CNTN1: variants seen among roughly 807,000 people sequenced by gnomAD.
CNTN1 encodes contactin-1.
CNTN1 carries 38 observed loss-of-function variants against 126.4 expected under a neutral mutation model. That is an observed-to-expected ratio of 0.30 (90% CI 0.23 to 0.39). The LOEUF (loss-of-function observed/expected upper bound fraction) is 0.39, where lower values mean the gene tolerates loss of function less well. CNTN1 is among the 10% of genes least tolerant of loss of function. The pLI, the probability that CNTN1 is intolerant of heterozygous loss-of-function variation, is 1.00. For synonymous variants in CNTN1, 413 were observed against 422.6 expected (o/e 0.98, Z 0.28); for missense variants, 1,009 against 1,248.4 (o/e 0.81, Z 2.89).
chr12:40,838,990 CAAGAG>C (rs894463834), intron 1 of CNTN1, among the ~76,000 whole-genome samples: 5 of 151,902 alleles, frequency 3.3e-5, no homozygotes, highest in African/African-American at 1.2e-4. Flanking sequence ...CAGTGAAACA[CAAGAG>C]AAGTCTGAAA....
intron 2 of CNTN1, 63 bp from the exon 3 acceptor site, chr12:40,910,010 T>C: frequency 2.4e-6 from 3 of 1,234,640 alleles, no homozygotes; most frequent in Admixed American, 3.4e-5. Context: ...ATTTAAGTAA[T>C]GTTTGAAACC....
At chr12:40,826,420 T>G (rs1565790829) in intron 1 of CNTN1, among the ~76,000 whole-genome samples, 1 of 152,150 alleles carries the variant, frequency 6.6e-6, no homozygotes, top group Non-Finnish European at 1.5e-5. Flanking sequence ...TGACAATACC[T>G]GCAAATATGA....
intron 1 of CNTN1, among the ~76,000 whole-genome samples, chr12:40,803,779 G>A (rs1940739716): frequency 6.6e-6 from 1 of 151,650 alleles, no homozygotes; most frequent in Admixed American, 6.6e-5. Flanking sequence ...AGAGGGAAGA[G>A]GAGAGGAATG....
intron 1 of CNTN1, among the ~76,000 whole-genome samples, chr12:40,887,879 C>A (rs1944099468): frequency 6.6e-6 from 1 of 151,852 alleles, no homozygotes; most frequent in South Asian, 2.1e-4. Context: ...ATGGATGAAA[C>A]TGGAAATCAT....
intron 1 of CNTN1, among the ~76,000 whole-genome samples, chr12:40,712,588 A>G (rs1019405467): frequency 1.3e-5 from 2 of 152,112 alleles, no homozygotes; most frequent in Non-Finnish European, 2.9e-5. Context: ...AGCAAGCCCA[A>G]CCAACCCCAT....
At chr12:40,767,508 C>T (rs555865491) in intron 1 of CNTN1, among the ~76,000 whole-genome samples, 1 of 152,084 alleles carries the variant, frequency 6.6e-6, no homozygotes, top group African/African-American at 2.4e-5. Context: ...TGGGGTTTCA[C>T]CGTGTTAGCC....
intron 1 of CNTN1, among the ~76,000 whole-genome samples, chr12:40,853,665 T>G (rs1942799952): frequency 6.6e-6 from 1 of 151,736 alleles, no homozygotes; most frequent in Admixed American, 6.6e-5. Flanking sequence ...TATACAATCC[T>G]TTTTTTTCCC....
At chr12:40,760,083 T>C (rs1938795801) in intron 1 of CNTN1, among the ~76,000 whole-genome samples, 1 of 152,132 alleles carries the variant, frequency 6.6e-6, no homozygotes, top group South Asian at 2.1e-4. Context: ...TCTGATTGCC[T>C]TAGTATTGCA....
chr12:40,991,828 AAAACAAACAAAC>A (rs141511459), intron 16 of CNTN1, among the ~76,000 whole-genome samples: 1 of 151,884 alleles, frequency 6.6e-6, no homozygotes, highest in Admixed American at 6.6e-5. Flanking sequence ...ACTCCGTCTC[AAAACAAACAAAC>A]AAACAAACAA....
At chr12:40,896,852 G>A (rs928537953) in intron 1 of CNTN1, among the ~76,000 whole-genome samples, 5 of 152,200 alleles carry the variant, frequency 3.3e-5, no homozygotes, top group African/African-American at 1.2e-4. Flanking sequence ...GAGGTTGTCT[G>A]AGGAGACACT....
chr12:40,939,169 T>C (rs1246872353), intron 11 of CNTN1, among the ~76,000 whole-genome samples, 166 bp from the exon 12 acceptor site: 1 of 152,156 alleles, frequency 6.6e-6, no homozygotes, highest in Non-Finnish European at 1.5e-5. Context: ...TAAATAAAAG[T>C]TACAAAGCAT....
At chr12:40,830,791 GTATATATATATATATATATATATATA>G (rs10592423) in intron 1 of CNTN1, among the ~76,000 whole-genome samples, 774 of 75,828 alleles carry the variant, frequency 0.01, 21 homozygotes, top group African/African-American at 0.037. Flanking sequence ...AAAGTATAGT[GTATATATATATATATATATATATATA>G]TATATATATA....
chr12:40,929,864 G>C lies in CNTN1; in HGVS notation c.565G>C (p.Val189Leu), dbSNP rs763318952. ...VFITMDKRRF[V>L]SQTNGNLYIA... ...TATCACAATGGATAAACGGCGATTT[G>C]TGTCTCAGACAAATGGCAATCTCTA... The change falls in exon 7 of 24, where the codon GTG becomes CTG. Residue 189 changes from valine (V) to leucine (L), a missense_variant. Physicochemically the swap from Val to Leu is conservative, Grantham distance 32. Coordinates refer to ENST00000551295, the MANE Select transcript of CNTN1 (RefSeq NM_001843.4). The C allele has an allele frequency of 8.7e-6, 14 of 1,612,674 alleles. No individual in the cohort carries two copies. Among genetic ancestry groups the C allele is most frequent in the Admixed American group, 6.7e-5 (4 of 59,856 alleles).
intron 1 of CNTN1, among the ~76,000 whole-genome samples, chr12:40,754,137 TTATAA>T (rs1283493610): frequency 6.6e-6 from 1 of 152,082 alleles, no homozygotes; most frequent in Non-Finnish European, 1.5e-5. Context: ...ATAGGATAAA[TTATAA>T]TATATGTTTA....
intron 23 of CNTN1, among the ~76,000 whole-genome samples, chr12:41,037,114 T>C (rs1470414742): frequency 1.3e-5 from 2 of 152,202 alleles, no homozygotes; most frequent in Non-Finnish European, 2.9e-5. Flanking sequence ...AAACTTTTCC[T>C]GCCATATTTG....
intron 23 of CNTN1, among the ~76,000 whole-genome samples, chr12:41,039,397 T>C (rs1324551429): frequency 6.6e-6 from 1 of 152,158 alleles, no homozygotes; most frequent in Non-Finnish European, 1.5e-5. Flanking sequence ...GATGATTTTA[T>C]GAGGTATGTG....
At chr12:40,924,875 TATA>T (rs552017162) in intron 6 of CNTN1, among the ~76,000 whole-genome samples, 1 of 137,506 alleles carries the variant, frequency 7.3e-6, no homozygotes, top group Non-Finnish European at 1.6e-5. Flanking sequence ...CATTTTAGTT[TATA>T]AACATATATA....
At chr12:40,802,188 T>G (rs1257336877) in intron 1 of CNTN1, among the ~76,000 whole-genome samples, 2 of 151,992 alleles carry the variant, frequency 1.3e-5, no homozygotes, top group African/African-American at 4.8e-5. Flanking sequence ...TAGGAAAAGA[T>G]ATCTTGGTTG....
At chr12:40,742,895 A>C (rs1565674002) in intron 1 of CNTN1, among the ~76,000 whole-genome samples, 1 of 152,124 alleles carries the variant, frequency 6.6e-6, no homozygotes, top group Non-Finnish European at 1.5e-5. Flanking sequence ...TACAATAATG[A>C]GTAAGACCCA....
Sources: allele counts gnomAD v4.1 joint callset (sites outside exome capture counted in the v4.1 genomes callset), GRCh38; gene constraint gnomAD v4.1.1; transcripts MANE v1.5; gene names NCBI Gene and HGNC (gene_info 2026-07-23, HGNC 2026-07-21).